The following SIK3 variants were observed in gnomAD, a reference collection of about 807,000 sequenced individuals.
SIK3 encodes the protein SIK family kinase 3, also known as serine/threonine-protein kinase SIK3.
In SIK3, 28 loss-of-function variants were observed where a neutral mutation model predicts 144.2. The ratio of observed to expected loss-of-function variants is 0.19; its 90% CI spans 0.14 to 0.27. The LOEUF (loss-of-function observed/expected upper bound fraction) is 0.27, where lower values mean the gene tolerates loss of function less well. Among genes scored for constraint, SIK3 ranks in the 10% least tolerant of loss-of-function variants. SIK3 has a pLI of 1.00. For synonymous variants in SIK3, 686 were observed against 676.3 expected, an observed-to-expected ratio of 1.01 and a Z score of -0.22; for missense variants, 1,319 against 1,776.0, an observed-to-expected ratio of 0.74 and a Z score of 4.62.
chr11:117,051,862 G>A (rs1953262059), intron 1 of SIK3, among the ~76,000 whole-genome samples: 1 of 151,440 alleles, frequency 6.6e-6, no homozygotes, highest in South Asian at 2.1e-4. Flanking sequence ...CATCTATCCA[G>A]GCCGGGCGTG....
chr11:116,918,935 T>A (rs553796694), intron 4 of SIK3, among the ~76,000 whole-genome samples: 49 of 152,266 alleles, frequency 3.2e-4, no homozygotes, highest in African/African-American at 1.2e-3. Flanking sequence ...TTGGTAATGG[T>A]CATATGCCAT....
chr11:116,875,473 T>A (rs776948023), intron 9 of SIK3, 22 bp from the exon 10 acceptor site: 2 of 1,608,336 alleles, frequency 1.2e-6, no homozygotes, highest in East Asian at 4.5e-5. Context: ...TACATACATA[T>A]ACACGCATAC....
chr11:117,088,306 C>T (rs779032224), intron 1 of SIK3, among the ~76,000 whole-genome samples: 1 of 152,150 alleles, frequency 6.6e-6, no homozygotes, highest in Non-Finnish European at 1.5e-5. Context: ...ACTTTAGATA[C>T]ACTGATCTTC....
intron 1 of SIK3, among the ~76,000 whole-genome samples, chr11:117,091,212 T>G (rs987185213): frequency 2.1e-5 from 3 of 145,854 alleles, no homozygotes; most frequent in African/African-American, 7.6e-5. Flanking sequence ...TTTTTTTTTT[T>G]TTTTTTTTTG....
intron 4 of SIK3, among the ~76,000 whole-genome samples, chr11:116,924,645 C>A (rs946513646): frequency 2.0e-5 from 3 of 152,200 alleles, no homozygotes; most frequent in Non-Finnish European, 2.9e-5. Context: ...ACCATGGACT[C>A]GGGCACAGAG....
intron 1 of SIK3, among the ~76,000 whole-genome samples, chr11:117,069,184 TG>T (rs34598824): frequency 0.36 from 29,539 of 82,436 alleles, 3,448 homozygotes; most frequent in Admixed American, 0.38. Flanking sequence ...GATTTTTTTT[TG>T]GGGGGGGGGG....
At chr11:116,941,711 AC>A (rs1948315698) in intron 3 of SIK3, among the ~76,000 whole-genome samples, 1 of 152,206 alleles carries the variant, frequency 6.6e-6, no homozygotes, top group Non-Finnish European at 1.5e-5. Flanking sequence ...ACACATTTCA[AC>A]AGACTCCTCT....
intron 6 of SIK3, among the ~76,000 whole-genome samples, chr11:116,884,560 C>G (rs575603862): frequency 2.0e-5 from 3 of 151,792 alleles, no homozygotes; most frequent in African/African-American, 7.3e-5. Context: ...GGGGTTTCAC[C>G]GTGTTAGCCA....
At chr11:116,940,599 T>C (rs1418904842) in intron 3 of SIK3, among the ~76,000 whole-genome samples, 1 of 152,074 alleles carries the variant, frequency 6.6e-6, no homozygotes, top group Non-Finnish European at 1.5e-5. Flanking sequence ...CTTATTTTTA[T>C]GTCATGGTAG....
chr11:116,959,681 A>G (rs1036556548), intron 1 of SIK3, among the ~76,000 whole-genome samples: 33 of 152,284 alleles, frequency 2.2e-4, no homozygotes, highest in African/African-American at 7.5e-4. Flanking sequence ...TGCATTCTGA[A>G]GCAATAGGAT....
At chr11:116,929,006 G>T (rs1947444018) in intron 3 of SIK3, among the ~76,000 whole-genome samples, 1 of 152,162 alleles carries the variant, frequency 6.6e-6, no homozygotes, top group South Asian at 2.1e-4. Flanking sequence ...GGTCAGAGGT[G>T]GGGATAAGTA....
intron 4 of SIK3, among the ~76,000 whole-genome samples, chr11:116,897,750 G>A (rs1233175759): frequency 6.6e-6 from 1 of 152,156 alleles, no homozygotes; most frequent in Admixed American, 6.5e-5. Context: ...GGGCGTGGTG[G>A]CGTGCGCCTG....
At chr11:116,995,382 G>T (rs888900239) in intron 1 of SIK3, among the ~76,000 whole-genome samples, 2 of 151,772 alleles carry the variant, frequency 1.3e-5, no homozygotes, top group Non-Finnish European at 2.9e-5. Flanking sequence ...TCCCGCCTCA[G>T]CCTCCCGAGT....
chr11:117,070,313 T>C (rs1954205626), intron 1 of SIK3, among the ~76,000 whole-genome samples: 2 of 152,188 alleles, frequency 1.3e-5, no homozygotes, highest in South Asian at 4.1e-4. Flanking sequence ...CTACCAGGCA[T>C]GGTCGCTACT....
At chr11:116,860,171 GA>G (rs1428884296) in intron 19 of SIK3, among the ~76,000 whole-genome samples, 1 of 151,798 alleles carries the variant, frequency 6.6e-6, no homozygotes, top group Non-Finnish European at 1.5e-5. Flanking sequence ...TTTGAACCCG[GA>G]GGTGGAGGTT....
intron 1 of SIK3, among the ~76,000 whole-genome samples, chr11:117,018,470 T>C (rs1362972217): frequency 1.3e-5 from 2 of 152,188 alleles, no homozygotes; most frequent in Admixed American, 1.3e-4. Flanking sequence ...GTTGACTTCA[T>C]CCTAAACTGG....
chr11:117,028,718 G>A (rs1161548788), intron 1 of SIK3, among the ~76,000 whole-genome samples: 1 of 152,132 alleles, frequency 6.6e-6, no homozygotes, highest in Non-Finnish European at 1.5e-5. Flanking sequence ...ATGACTGGGA[G>A]CCATATCAGG....
intron 1 of SIK3, among the ~76,000 whole-genome samples, chr11:116,989,077 G>A (rs1366074356): frequency 6.6e-6 from 1 of 152,016 alleles, no homozygotes; most frequent in African/African-American, 2.4e-5. Flanking sequence ...AATGGCAAGA[G>A]AACACAGATG....
intron 1 of SIK3, among the ~76,000 whole-genome samples, chr11:116,971,483 A>G (rs1360881111): frequency 6.6e-6 from 1 of 152,210 alleles, no homozygotes; most frequent in African/African-American, 2.4e-5. Context: ...CAATATATTA[A>G]ACATAAGCAT....
Sources: allele counts gnomAD v4.1 joint callset (sites outside exome capture counted in the v4.1 genomes callset), GRCh38; gene constraint gnomAD v4.1.1; transcripts MANE v1.5; gene names NCBI Gene and HGNC (gene_info 2026-07-23, HGNC 2026-07-21).